The following SLIT3 variants were observed in gnomAD, a reference collection of about 807,000 sequenced individuals.
SLIT3 encodes slit guidance ligand 3, also known as slit homolog 3 protein.
SLIT3 carries 68 observed loss-of-function variants against 184.0 expected under a neutral mutation model. That is an observed-to-expected ratio of 0.37 (90% CI 0.30 to 0.45). The LOEUF (loss-of-function observed/expected upper bound fraction) is 0.45, where lower values mean the gene tolerates loss of function less well. Among genes scored for constraint, SLIT3 ranks in the 20% least tolerant of loss-of-function variants. The probability of loss-of-function intolerance (pLI) is 1.00; values close to 1 mark genes in which losing one functional copy is unlikely to be tolerated. For synonymous variants in SLIT3, 831 were observed against 828.6 expected, an observed-to-expected ratio of 1.00 and a Z score of -0.05; for missense variants, 1,707 against 2,026.0, an observed-to-expected ratio of 0.84 and a Z score of 3.02.
chr5:168,827,868 T>C (rs1225569000), intron 6 of SLIT3, among the ~76,000 whole-genome samples: 2 of 152,248 alleles, frequency 1.3e-5, no homozygotes, highest in African/African-American at 4.8e-5. Context: ...GTTTTACGCA[T>C]TCACTTTTGT....
At chr5:169,098,314 T>A (rs1234247634) in intron 4 of SLIT3, among the ~76,000 whole-genome samples, 2 of 152,184 alleles carry the variant, frequency 1.3e-5, no homozygotes, top group Non-Finnish European at 2.9e-5. Flanking sequence ...CGTGTGTGTA[T>A]ACACACAGTA....
At chr5:168,772,627 C>T in intron 14 of SLIT3, 154 bp downstream of exon 14, 1 of 708,804 alleles carries the variant, frequency 1.4e-6, no homozygotes, top group Non-Finnish European at 2.4e-6. Context: ...AACTGGTTTT[C>T]TGCAGGGCTA....
At chr5:169,200,493 G>A in intron 3 of SLIT3, among the ~76,000 whole-genome samples, 1 of 152,158 alleles carries the variant, frequency 6.6e-6, no homozygotes, top group East Asian at 1.9e-4. Flanking sequence ...ATGGAGAGAG[G>A]GAGAGGGACA....
chr5:169,029,782 G>A (rs1301030438), intron 4 of SLIT3, among the ~76,000 whole-genome samples: 2 of 152,146 alleles, frequency 1.3e-5, no homozygotes, highest in African/African-American at 4.8e-5. Context: ...GAGCAGGCAG[G>A]CAGTGGTTGG....
chr5:169,037,023 C>T (rs1419311832), intron 4 of SLIT3, among the ~76,000 whole-genome samples: 3 of 152,172 alleles, frequency 2.0e-5, no homozygotes, highest in African/African-American at 7.2e-5. Context: ...AGGTGTGGGA[C>T]AAACCACTGC....
chr5:169,284,808 C>A (rs1343371571), intron 1 of SLIT3, among the ~76,000 whole-genome samples: 1 of 152,200 alleles, frequency 6.6e-6, no homozygotes, highest in African/African-American at 2.4e-5. Context: ...TTTGCATTTA[C>A]TATCCTTAGT....
chr5:168,674,727 C>T (rs1275800022), intron 32 of SLIT3, among the ~76,000 whole-genome samples: 4 of 151,786 alleles, frequency 2.6e-5, no homozygotes, highest in Non-Finnish European at 5.9e-5. Context: ...CCTGACCTCA[C>T]GTGATCCACT....
chr5:169,232,879 T>G (rs1380040477), intron 3 of SLIT3, among the ~76,000 whole-genome samples: 1 of 152,224 alleles, frequency 6.6e-6, no homozygotes, highest in Non-Finnish European at 1.5e-5. Flanking sequence ...TTGCCATATT[T>G]GCAATGTTAA....
chr5:168,972,001 A>G (rs1754592551), intron 4 of SLIT3, among the ~76,000 whole-genome samples: 1 of 152,218 alleles, frequency 6.6e-6, no homozygotes, highest in Admixed American at 6.5e-5. Context: ...TTCTGTAAAA[A>G]AGTTGTTATG....
intron 4 of SLIT3, among the ~76,000 whole-genome samples, chr5:169,130,068 T>G (rs975382526): frequency 1.3e-5 from 2 of 152,136 alleles, no homozygotes; most frequent in African/African-American, 4.8e-5. Flanking sequence ...AGGCTGGTCT[T>G]GAACTCCTGA....
intron 4 of SLIT3, among the ~76,000 whole-genome samples, chr5:169,025,331 A>G (rs960966236): frequency 2.6e-5 from 4 of 152,228 alleles, no homozygotes; most frequent in East Asian, 1.9e-4. Context: ...AGCTCGTACC[A>G]GAAGGTACTT....
At chr5:169,216,621 A>C (rs544888676) in intron 3 of SLIT3, among the ~76,000 whole-genome samples, 1 of 152,072 alleles carries the variant, frequency 6.6e-6, no homozygotes, top group East Asian at 1.9e-4. Context: ...GTAATGTTAA[A>C]CCCCAAAGGG....
At chr5:168,819,514 C>T (rs1330351984) in intron 7 of SLIT3, among the ~76,000 whole-genome samples, 2 of 152,162 alleles carry the variant, frequency 1.3e-5, no homozygotes, top group Admixed American at 1.3e-4. Flanking sequence ...GGTGGTTGCC[C>T]TCTTGTGCAG....
chr5:169,136,181 T>G (rs1761495957), intron 4 of SLIT3, among the ~76,000 whole-genome samples: 1 of 152,102 alleles, frequency 6.6e-6, no homozygotes, highest in Non-Finnish European at 1.5e-5. Context: ...CCTCTCCAGA[T>G]CAGGCCTCAG....
chr5:169,142,897 G>C (rs970270188), intron 4 of SLIT3, among the ~76,000 whole-genome samples: 1 of 152,222 alleles, frequency 6.6e-6, no homozygotes, highest in Non-Finnish European at 1.5e-5. Context: ...GGAGCTGGAA[G>C]AGAATGTTTC....
intron 4 of SLIT3, among the ~76,000 whole-genome samples, chr5:168,912,672 T>A (rs1048872871): frequency 2.6e-5 from 4 of 152,240 alleles, no homozygotes; most frequent in Admixed American, 2.6e-4. Flanking sequence ...GATCATGCAT[T>A]ATACACTTGA....
intron 5 of SLIT3, among the ~76,000 whole-genome samples, chr5:168,848,430 C>T (rs748802529): frequency 6.6e-5 from 10 of 152,228 alleles, no homozygotes; most frequent in Middle Eastern, 3.4e-3. Context: ...AGATGGGGAA[C>T]GGGAAGGCAA....
rs188195534 is a variant in SLIT3 at position 169,267,820 on chromosome 5, G to A, written c.198-16361C>T. ...AGGAGACCTTCTTCCTGTCCACTTG[G>A]GCTGAAGACCACTTCTAAGTCTATG... On this transcript the variant is annotated intron_variant, in intron 1 of 35. Transcript: ENST00000519560. Among the ~76,000 whole-genome samples the A allele has an allele frequency of 2.0e-5, 3 of 152,244 alleles. No individual in the cohort carries two copies. In the East Asian group the frequency reaches 5.8e-4, roughly 29 times the overall value.
intron 4 of SLIT3, among the ~76,000 whole-genome samples, chr5:168,945,213 AG>A (rs1762434491): frequency 6.6e-6 from 1 of 151,944 alleles, no homozygotes; most frequent in African/African-American, 2.4e-5. Flanking sequence ...AGAAAACCAA[AG>A]GAAGATCAAA....
Sources: gnomAD v4.1 joint callset for allele counts (sites outside exome capture counted in the v4.1 genomes callset) on GRCh38, gnomAD v4.1.1 for gene constraint, MANE v1.5 for transcripts, NCBI Gene and HGNC (gene_info 2026-07-23, HGNC 2026-07-21) for gene names.